The following CDC42BPA variants were observed in gnomAD, a reference collection of about 807,000 sequenced individuals.
CDC42BPA encodes the protein CDC42 binding protein kinase alpha.
Under a neutral mutation model 223.5 loss-of-function variants are expected in CDC42BPA, and 80 were observed. The observed-to-expected ratio is 0.36, with a 90% CI of 0.30 to 0.43. The LOEUF (loss-of-function observed/expected upper bound fraction) is 0.43. CDC42BPA is among the 20% of genes least tolerant of loss of function. The pLI is 1.00. For missense variants in CDC42BPA, 1,743 were observed against 2,099.9 expected (o/e 0.83, Z 3.32); for synonymous variants, 694 against 718.6 (o/e 0.97, Z 0.55).
intron 1 of CDC42BPA, among the ~76,000 whole-genome samples, chr1:227,283,512 A>C (rs546818259): frequency 6.6e-6 from 1 of 152,334 alleles, no homozygotes; most frequent in African/African-American, 2.4e-5. Flanking sequence ...TTTGTAATGA[A>C]AATGTTTATG....
chr1:227,081,679 C>T (rs1680701430), intron 16 of CDC42BPA, among the ~76,000 whole-genome samples: 1 of 152,050 alleles, frequency 6.6e-6, no homozygotes, highest in African/African-American at 2.4e-5. Context: ...GTCTCAAACT[C>T]CTGACCTCAG....
intron 2 of CDC42BPA, among the ~76,000 whole-genome samples, chr1:227,215,024 T>C (rs1239123726): frequency 1.3e-5 from 2 of 152,224 alleles, no homozygotes; most frequent in South Asian, 4.1e-4. Context: ...TCTTGCTTTT[T>C]AATCTCACTT....
intron 16 of CDC42BPA, among the ~76,000 whole-genome samples, chr1:227,086,675 G>GT (rs989772047): frequency 4.0e-4 from 58 of 143,624 alleles, no homozygotes; most frequent in South Asian, 4.0e-3. Flanking sequence ...ATTTTAAGAG[G>GT]TTTTTTTTTC....
chr1:227,099,655 G>A (rs1684642479), intron 15 of CDC42BPA, among the ~76,000 whole-genome samples: 1 of 151,830 alleles, frequency 6.6e-6, no homozygotes, highest in Non-Finnish European at 1.5e-5. Flanking sequence ...CATTCTACTT[G>A]AGCCACAATG....
chr1:227,060,647 A>G (rs1469446795), intron 21 of CDC42BPA, among the ~76,000 whole-genome samples: 1 of 152,062 alleles, frequency 6.6e-6, no homozygotes. Context: ...GGAAAAGTTC[A>G]AGAATGAGAA....
chr1:227,010,889 T>C (rs780725495), intron 34 of CDC42BPA: 1 of 1,363,060 alleles, frequency 7.3e-7, no homozygotes, highest in South Asian at 1.1e-5. Flanking sequence ...CTCAGAGTCA[T>C]AAAGCTTGGT....
At chr1:227,011,448 G>GA (rs1484910370) in intron 34 of CDC42BPA, among the ~76,000 whole-genome samples, 3 of 152,108 alleles carry the variant, frequency 2.0e-5, no homozygotes, top group African/African-American at 7.2e-5. Flanking sequence ...ATGAACAAGT[G>GA]AACCTACAAC....
chr1:227,229,555 A>T (rs1193203045), intron 2 of CDC42BPA, among the ~76,000 whole-genome samples: 1 of 152,170 alleles, frequency 6.6e-6, no homozygotes, highest in Non-Finnish European at 1.5e-5. Context: ...GGTACCTTGA[A>T]TTTTTATAGG....
chr1:227,313,473 A>C (rs1030397933), intron 1 of CDC42BPA, among the ~76,000 whole-genome samples: 1 of 152,216 alleles, frequency 6.6e-6, no homozygotes, highest in Non-Finnish European at 1.5e-5. Context: ...TGTACTAGAT[A>C]AAATAATTGT....
chr1:227,062,698 T>C (rs1676172812), intron 21 of CDC42BPA, among the ~76,000 whole-genome samples: 1 of 152,144 alleles, frequency 6.6e-6, no homozygotes, highest in Non-Finnish European at 1.5e-5. Context: ...CATTGCATAG[T>C]GTGTAACTAT....
chr1:227,043,155 C>T (rs931198329), intron 23 of CDC42BPA, among the ~76,000 whole-genome samples: 14 of 151,968 alleles, frequency 9.2e-5, no homozygotes, highest in African/African-American at 1.9e-4. Context: ...ACCTTATGCC[C>T]GTAATCCCAA....
chr1:227,287,238 G>A (rs891460373), intron 1 of CDC42BPA, among the ~76,000 whole-genome samples: 3 of 152,098 alleles, frequency 2.0e-5, no homozygotes, highest in Admixed American at 6.5e-5. Context: ...CGTATTGTGC[G>A]GAAAAGAGTT....
chr1:227,232,459 G>C (rs1428690795), intron 2 of CDC42BPA, among the ~76,000 whole-genome samples: 3 of 152,184 alleles, frequency 2.0e-5, no homozygotes, highest in Non-Finnish European at 4.4e-5. Context: ...TGCTGGCAAG[G>C]AGCTGCGTTC....
At chr1:227,132,987 C>G (rs1657559563) in intron 10 of CDC42BPA, among the ~76,000 whole-genome samples, 1 of 151,792 alleles carries the variant, frequency 6.6e-6, no homozygotes, top group Admixed American at 6.6e-5. Context: ...GCCACCCCGT[C>G]TGGGAAGTGA....
intron 1 of CDC42BPA, among the ~76,000 whole-genome samples, chr1:227,280,635 A>C (rs1687863140): frequency 6.6e-6 from 1 of 152,256 alleles, no homozygotes; most frequent in South Asian, 2.1e-4. Context: ...CAGTTTGAAG[A>C]CTATTACACT....
At chr1:227,280,029 G>T (rs1479323853) in intron 1 of CDC42BPA, among the ~76,000 whole-genome samples, 1 of 152,038 alleles carries the variant, frequency 6.6e-6, no homozygotes, top group East Asian at 1.9e-4. Flanking sequence ...CTGTAATCCA[G>T]CCTGGGCCAC....
At chr1:227,147,599 A>C in intron 6 of CDC42BPA, 40 bp from the exon 7 acceptor site, 1 of 1,152,328 alleles carries the variant, frequency 8.7e-7, no homozygotes, top group Non-Finnish European at 1.2e-6. Context: ...CTATATTAGA[A>C]ATAAAATATT....
intron 1 of CDC42BPA, among the ~76,000 whole-genome samples, chr1:227,287,309 C>G (rs1450236525): frequency 6.6e-6 from 1 of 152,170 alleles, no homozygotes; most frequent in Non-Finnish European, 1.5e-5. Flanking sequence ...TGGTCTATGG[C>G]TGGCATCTGG....
At chr1:227,063,074 T>C (rs73091767) in intron 21 of CDC42BPA, among the ~76,000 whole-genome samples, 43,114 of 152,026 alleles carry the variant, frequency 0.28, 6,328 homozygotes, top group African/African-American at 0.35. Context: ...AGTGTTTACT[T>C]AGAAATTGTC....
Sources: allele counts gnomAD v4.1 joint callset (sites outside exome capture counted in the v4.1 genomes callset), GRCh38; gene constraint gnomAD v4.1.1; transcripts MANE v1.5; gene names NCBI Gene and HGNC (gene_info 2026-07-23, HGNC 2026-07-21).